Variants in NPFFR2 observed in about 807,000 individuals in gnomAD.
NPFFR2 encodes the protein neuropeptide FF receptor 2, also known as G-protein coupled receptor 74.
A neutral mutation model predicts 13.1 loss-of-function variants in NPFFR2; 15 were observed. The observed-to-expected ratio is 1.15, with a 90% CI of 0.77 to 1.76. NPFFR2 has a LOEUF of 1.76. Ranked by LOEUF, NPFFR2 falls within the 40% of genes most tolerant of loss-of-function variation. NPFFR2 has a pLI of 0.00. For synonymous variants in NPFFR2, 190 were observed against 175.7 expected, an observed-to-expected ratio of 1.08 and a Z score of -0.65; for missense variants, 572 against 503.5, an observed-to-expected ratio of 1.14 and a Z score of -1.30.
chr4:72,134,689 C>T (rs1311367501), intron 2 of NPFFR2, among the ~76,000 whole-genome samples: 2 of 151,980 alleles, frequency 1.3e-5, no homozygotes, highest in Admixed American at 1.3e-4. Context: ...AGTAATGTAT[C>T]CTCAAATTCT....
At chr4:72,050,333 C>A (rs1320021736) in intron 1 of NPFFR2, among the ~76,000 whole-genome samples, 2 of 151,992 alleles carry the variant, frequency 1.3e-5, no homozygotes, top group Admixed American at 6.6e-5. Flanking sequence ...CTGAATGGAA[C>A]CCTCTTCTTT....
rs1403173724 is a variant in NPFFR2, at chr4:72,032,032, G to A, written c.-176G>A. The A allele has an allele frequency of 6.2e-7, 1 of 1,613,986 alleles. No homozygotes were observed. Among genetic ancestry groups the A allele is most frequent in the South Asian group, 1.1e-5 (1 of 91,066 alleles). On this transcript the variant is annotated 5_prime_UTR_variant, in exon 1 of 4. Transcript: ENST00000308744. ...GTCCAGCAGCGCGGCGGGCCAGCCT[G>A]GAGCGGAAGCCTGGAGTGGAGCAGG...
intron 1 of NPFFR2, among the ~76,000 whole-genome samples, chr4:72,094,536 T>G (rs912003894): frequency 3.9e-5 from 6 of 152,078 alleles, no homozygotes; most frequent in African/African-American, 1.4e-4. Context: ...CTGTGGGGGA[T>G]GAGGGTGTGG....
At chr4:72,116,054 G>A (rs759779692) in intron 1 of NPFFR2, among the ~76,000 whole-genome samples, 1 of 152,076 alleles carries the variant, frequency 6.6e-6, no homozygotes, top group Non-Finnish European at 1.5e-5. Flanking sequence ...AAGAATGAAA[G>A]GATGCCAGAG....
At chr4:72,044,378 A>G (rs758725846) in intron 1 of NPFFR2, among the ~76,000 whole-genome samples, 2 of 152,312 alleles carry the variant, frequency 1.3e-5, no homozygotes, top group South Asian at 4.1e-4. Flanking sequence ...CTTTTTGTAT[A>G]TTGTGAGCAG....
chr4:72,136,960 G>C, intron 2 of NPFFR2, among the ~76,000 whole-genome samples: 1 of 152,186 alleles, frequency 6.6e-6, no homozygotes, highest in African/African-American at 2.4e-5. Context: ...GTGGAATTGT[G>C]TGAGGGAGAT....
At chr4:72,047,765 T>C (rs1489735657) in intron 1 of NPFFR2, among the ~76,000 whole-genome samples, 1 of 152,184 alleles carries the variant, frequency 6.6e-6, no homozygotes, top group African/African-American at 2.4e-5. Context: ...TAATAATAGT[T>C]GGGTCTTACA....
rs1170915007 is a variant in NPFFR2 at position 72,050,448 on chromosome 4, A to G, written c.-8+18248A>G. ...ACTCCTCCCTTTACAATTCGGGCACAACTGAACAGCATTAACATTAAAACT... is the reference window on the plus strand; with the variant it reads ...ACTCCTCCCTTTACAATTCGGGCACGACTGAACAGCATTAACATTAAAACT... On this transcript the variant is annotated intron_variant, in intron 1 of 3. Transcript: ENST00000308744. Among the ~76,000 whole-genome samples the G allele has an allele frequency of 5.3e-5, 8 of 151,994 alleles. No individual in the cohort carries two copies. The South Asian group carries it at 1.7e-3, about 31-fold the overall frequency.
chr4:72,134,603 CTT>C (rs1369774805), intron 2 of NPFFR2, among the ~76,000 whole-genome samples: 1 of 152,146 alleles, frequency 6.6e-6, no homozygotes, highest in African/African-American at 2.4e-5. Flanking sequence ...CAATTTCTCT[CTT>C]ATAAAATGTT....
At chr4:72,111,860 C>A (rs1007554618) in intron 1 of NPFFR2, among the ~76,000 whole-genome samples, 1 of 151,988 alleles carries the variant, frequency 6.6e-6, no homozygotes, top group African/African-American at 2.4e-5. Flanking sequence ...TGATGCTAGT[C>A]CCCCCAACAT....
intron 2 of NPFFR2, among the ~76,000 whole-genome samples, chr4:72,133,371 C>CT (rs762376398): frequency 1.3e-5 from 2 of 152,126 alleles, no homozygotes; most frequent in Non-Finnish European, 2.9e-5. Context: ...GTCTATGTGT[C>CT]TATTTTTGTA....
intron 1 of NPFFR2, among the ~76,000 whole-genome samples, chr4:72,047,911 G>A (rs1286338548): frequency 6.6e-6 from 1 of 152,012 alleles, no homozygotes; most frequent in East Asian, 1.9e-4. Flanking sequence ...TATTTCTGTT[G>A]AAACTATTTG....
Position 72,044,473 on chromosome 4 carries a change from A to T in NPFFR2, c.-8+12273A>T, listed in dbSNP as rs148048974. Among the ~76,000 whole-genome samples, 860 of 152,306 alleles carry T rather than the reference A, an allele frequency of 5.6e-3. 5 individuals are homozygous for T. The highest frequency in any genetic ancestry group is 0.02 in the African/African-American group (827 of 41,566). Reference sequence around the variant, plus strand: ...CAATATAGATTCTTTGAATCTATGAACATGGAACGTTTTTCTACTTGATTA... The same window carrying T: ...CAATATAGATTCTTTGAATCTATGATCATGGAACGTTTTTCTACTTGATTA... On this transcript the variant is annotated intron_variant, in intron 1 of 3. Transcript: ENST00000308744.
intron 3 of NPFFR2, chr4:72,146,676 A>G (rs900064999): frequency 4.5e-5 from 13 of 289,902 alleles, no homozygotes; most frequent in Non-Finnish European, 8.3e-5. Flanking sequence ...GGAGGCTTAA[A>G]GAGACGGTCC....
intron 1 of NPFFR2, among the ~76,000 whole-genome samples, chr4:72,113,017 C>G (rs72857403): frequency 0.034 from 5,195 of 152,054 alleles, 287 homozygotes; most frequent in African/African-American, 0.12. Context: ...AATGATTTAC[C>G]TGGCTTCTAC....
intron 3 of NPFFR2, among the ~76,000 whole-genome samples, chr4:72,142,931 C>T (rs1722677182): frequency 6.6e-6 from 1 of 152,136 alleles, no homozygotes; most frequent in Non-Finnish European, 1.5e-5. Flanking sequence ...CAAATATTTA[C>T]AAATAATGCT....
chr4:72,086,266 C>T (rs1720767606), intron 1 of NPFFR2, among the ~76,000 whole-genome samples: 2 of 151,908 alleles, frequency 1.3e-5, no homozygotes, highest in African/African-American at 2.4e-5. Flanking sequence ...GGTTTAGATC[C>T]TTGTTGTTTT....
chr4:72,068,842 T>A lies in NPFFR2; in HGVS notation c.-8+36642T>A, dbSNP rs1349687187. On this transcript the variant is annotated intron_variant, in intron 1 of 3. Transcript: ENST00000308744. ...TATGAATGCCTGAGGTTCTTAGTTT[T>A]TTTTTTTTTTTATCTTATCTTTTTT... The A allele has an allele frequency of 1.6e-5, 5 of 314,702 alleles. No homozygotes were observed. The African/African-American group carries it at 1.6e-4, about 10-fold the overall frequency. The allele number at this position is 314,702 out of a possible 1,614,324, so 19.5% of individuals were successfully genotyped here.
intron 1 of NPFFR2, among the ~76,000 whole-genome samples, chr4:72,068,016 G>A (rs1206144395): frequency 6.6e-6 from 1 of 152,038 alleles, no homozygotes; most frequent in Non-Finnish European, 1.5e-5. Flanking sequence ...TGGCAATACA[G>A]GCTTTTTTCA....
Sources: allele counts gnomAD v4.1 joint callset (sites outside exome capture counted in the v4.1 genomes callset), GRCh38; gene constraint gnomAD v4.1.1; transcripts MANE v1.5; gene names NCBI Gene and HGNC (gene_info 2026-07-23, HGNC 2026-07-21).